The following SDHA variants were observed in gnomAD, a reference collection of about 807,000 sequenced individuals.
SDHA encodes the protein succinate dehydrogenase [ubiquinone] flavoprotein subunit, mitochondrial.
A neutral mutation model predicts 78.4 loss-of-function variants in SDHA; 48 were observed. The observed-to-expected ratio is 0.61, with a 90% CI of 0.49 to 0.78. SDHA has a LOEUF of 0.78. SDHA is among the 30% of genes least tolerant of loss of function. The pLI is 0.00. For missense variants in SDHA, 680 were observed against 892.7 expected, an observed-to-expected ratio of 0.76 and a Z score of 3.04; for synonymous variants, 326 against 353.9, an observed-to-expected ratio of 0.92 and a Z score of 0.88.
At chr5:249,142 C>T (rs1236530857) in intron 11 of SDHA, 2 of 411,182 alleles carry the variant, frequency 4.9e-6, no homozygotes, top group Non-Finnish European at 9.4e-6. Flanking sequence ...GACAGATTAG[C>T]AGCTGGTAAT....
At chr5:262,335 TGAGCTCCGCCTCCCGG>T in the SDHA span, among the ~76,000 whole-genome samples, 1 of 113,712 alleles carries the variant, frequency 8.8e-6, no homozygotes, top group Non-Finnish European at 2.0e-5. Flanking sequence ...CATTACCGTG[TGAGCTCCGCCTCCCGG>T]CAGAGCATTA....
intron 10 of SDHA, among the ~76,000 whole-genome samples, chr5:237,610 G>A (rs548006015): frequency 7.5e-6 from 1 of 134,066 alleles, no homozygotes; most frequent in South Asian, 2.2e-4. Flanking sequence ...TGTTTGCGTG[G>A]CAAGGATGGT....
Position 218,331 on chromosome 5 carries a change from G to A in SDHA, c.-25G>A, listed in dbSNP as rs2126521474. 3.5e-6 allele frequency: 5 copies of A among 1,446,078 alleles called. No homozygotes were observed. The highest frequency in any genetic ancestry group is 2.5e-4 in the Middle Eastern group (1 of 3,962). The allele number at this position is 1,446,078 out of a possible 1,614,324, so 89.6% of individuals were successfully genotyped here. A position where few individuals can be genotyped will look rare whatever the true frequency, so the allele number is the denominator to read the frequency against. On this transcript the variant is annotated 5_prime_UTR_variant, in exon 1 of 15. Coordinates refer to ENST00000264932, the MANE Select transcript of SDHA (RefSeq NM_004168.4). ...GGCGCAGTCTGCGCAGGGACTGGCG[G>A]GACTGCGCGGCGGCAACAGCAGACA...
rs748490907 is a variant in SDHA, at chr5:223,559, T to C, written c.141T>C (p.Val47=). ...VDGNKRASAK[V]SDSISAQYPV... ...GGAACAAGAGGGCATCTGCTAAAGTTTCAGATTCCGTAAGTTCATGCTTTT... is the reference window on the plus strand; with the variant it reads ...GGAACAAGAGGGCATCTGCTAAAGTCTCAGATTCCGTAAGTTCATGCTTTT... Residue 47 remains valine (V), a synonymous_variant, in exon 2 of 15, where the codon GTT becomes GTC. Coordinates refer to ENST00000264932, the MANE Select transcript of SDHA (RefSeq NM_004168.4). 1 of 1,612,700 alleles carries C rather than the reference T, an allele frequency of 6.2e-7. No individual in the cohort carries two copies. Among genetic ancestry groups the C allele is most frequent in the Non-Finnish European group, 8.5e-7 (1 of 1,178,676 alleles).
chr5:232,782 T>G (rs945837428), intron 7 of SDHA, among the ~76,000 whole-genome samples: 6 of 152,244 alleles, frequency 3.9e-5, no homozygotes, highest in African/African-American at 1.4e-4. Context: ...TTTGATCTCC[T>G]TTGTTAAAAT....
intron 11 of SDHA, among the ~76,000 whole-genome samples, chr5:245,332 A>C (rs1288764936): frequency 1.3e-5 from 2 of 152,214 alleles, no homozygotes; most frequent in Admixed American, 6.5e-5. Flanking sequence ...CATAGATTTA[A>C]AAGACTGTTT....
At chr5:255,455 G>T (rs1183761594) in intron 14 of SDHA, among the ~76,000 whole-genome samples, 1 of 147,302 alleles carries the variant, frequency 6.8e-6, no homozygotes, top group African/African-American at 2.5e-5. Flanking sequence ...CGGGTTTTTT[G>T]GTTTTTTTTT....
intron 6 of SDHA, among the ~76,000 whole-genome samples, chr5:230,489 T>C (rs1213093405): frequency 6.6e-6 from 1 of 152,000 alleles, no homozygotes; most frequent in Admixed American, 6.6e-5. Context: ...TAACTGGGCG[T>C]GGTGGTGCAC....
At chr5:267,313 A>G in the SDHA span, among the ~76,000 whole-genome samples, 12 of 152,036 alleles carry the variant, frequency 7.9e-5, no homozygotes, top group Admixed American at 7.9e-4. Flanking sequence ...CTATGGCGGG[A>G]ATCTGGAAAA....
chr5:234,418 C>CAAAA (rs70955218), intron 8 of SDHA: 10 of 43,820 alleles, frequency 2.3e-4, no homozygotes, highest in Non-Finnish European at 2.9e-4. Context: ...CACTCTGTCT[C>CAAAA]AAAAAAAAAA....
intron 10 of SDHA, among the ~76,000 whole-genome samples, chr5:239,927 AC>A (rs1299940625): frequency 1.3e-5 from 2 of 151,780 alleles, no homozygotes; most frequent in African/African-American, 4.8e-5. Flanking sequence ...GTGCCACCAT[AC>A]CCAGATAATT....
chr5:231,554 C>A (rs1373623925), intron 7 of SDHA, among the ~76,000 whole-genome samples: 3 of 133,724 alleles, frequency 2.2e-5, no homozygotes, highest in African/African-American at 1.0e-4. Context: ...AGTAAGACTC[C>A]GTCTCAAAAA....
intron 2 of SDHA, 102 bp downstream of exon 2, chr5:223,670 A>G (rs1272953667): frequency 6.3e-6 from 5 of 797,692 alleles, no homozygotes; most frequent in Non-Finnish European, 9.0e-6. Flanking sequence ...ATAAGGGAAA[A>G]ATTTCTCATA....
intron 11 of SDHA, among the ~76,000 whole-genome samples, chr5:247,965 G>A (rs1267259878): frequency 1.3e-5 from 2 of 151,372 alleles, no homozygotes; most frequent in Non-Finnish European, 2.9e-5. Context: ...CAGGGACTAC[G>A]GGACACCCCA....
intron 11 of SDHA, among the ~76,000 whole-genome samples, chr5:247,446 G>T (rs1736531794): frequency 6.6e-6 from 1 of 152,210 alleles, no homozygotes; most frequent in South Asian, 2.1e-4. Flanking sequence ...AATATCTAAT[G>T]CTAGACACTT....
chr5:251,194 G>A (rs1347516015), intron 12 of SDHA, 91 bp downstream of exon 12: 58 of 1,517,800 alleles, frequency 3.8e-5, no homozygotes, highest in African/African-American at 1.4e-4. Flanking sequence ...ACTTAGTTCC[G>A]TGCTTGCTGT....
intron 6 of SDHA, among the ~76,000 whole-genome samples, chr5:230,570 G>C (rs969035537): frequency 2.6e-5 from 4 of 152,000 alleles, no homozygotes; most frequent in African/African-American, 9.7e-5. Flanking sequence ...AGGTTGCTGT[G>C]AGCCGAGATC....
intron 11 of SDHA, among the ~76,000 whole-genome samples, chr5:242,809 G>T (rs549377187): frequency 1.1e-4 from 17 of 152,268 alleles, no homozygotes; most frequent in African/African-American, 3.9e-4. Context: ...AATGGGACAC[G>T]TGTGGGCTCT....
intron 11 of SDHA, chr5:249,329 G>A: frequency 4.3e-6 from 1 of 234,830 alleles, no homozygotes; most frequent in South Asian, 4.4e-5. Flanking sequence ...GGGACACGTT[G>A]GGAACAGGCC....
Sources: gnomAD v4.1 joint callset for allele counts (sites outside exome capture counted in the v4.1 genomes callset) on GRCh38, gnomAD v4.1.1 for gene constraint, MANE v1.5 for transcripts, NCBI Gene and HGNC (gene_info 2026-07-23, HGNC 2026-07-21) for gene names.